ZNF679: variants seen among roughly 807,000 people sequenced by gnomAD.
ZNF679 encodes zinc finger protein 679.
ZNF679 carries 10 observed loss-of-function variants against 13.4 expected under a neutral mutation model. The ratio of observed to expected loss-of-function variants is 0.75; its 90% CI spans 0.46 to 1.27. ZNF679 has a LOEUF of 1.27. Ranked by LOEUF, ZNF679 falls within the 50% of genes most tolerant of loss-of-function variation. The probability of loss-of-function intolerance (pLI) is 0.00; values close to 1 mark genes in which losing one functional copy is unlikely to be tolerated. For synonymous variants in ZNF679, 179 were observed against 162.5 expected (o/e 1.10, Z -0.77); for missense variants, 525 against 477.8 (o/e 1.10, Z -0.92).
chr7:64,259,066 C>T (rs569472843), intron 2 of ZNF679, among the ~76,000 whole-genome samples: 2 of 152,064 alleles, frequency 1.3e-5, no homozygotes, highest in Admixed American at 6.5e-5. Context: ...TGCCTGCCAC[C>T]ACGCCCAGCT....
intron 2 of ZNF679, among the ~76,000 whole-genome samples, chr7:64,253,240 A>T (rs987625082): frequency 1.3e-5 from 2 of 152,154 alleles, no homozygotes; most frequent in African/African-American, 4.8e-5. Context: ...TGTTTCAGTA[A>T]TTTTTCTGAA....
At chr7:64,255,900 C>T (rs1478244630) in intron 2 of ZNF679, among the ~76,000 whole-genome samples, 4 of 152,118 alleles carry the variant, frequency 2.6e-5, no homozygotes, top group Non-Finnish European at 4.4e-5. Flanking sequence ...TGAGCCACCG[C>T]GCCTGGCAGA....
At position 64,266,568 on chromosome 7, in the gene ZNF679, C is replaced by A. The variant is rs1172002820; in HGVS notation, c.935C>A (p.Thr312Asn). 6.2e-7 allele frequency: 1 copy of A among 1,611,640 alleles called. No individual in the cohort carries two copies. ...GCCTTTAGCTTATCCTCATCCCTCA[C>A]TTACCACAAGAGAATTCATACTGGA... Reference protein sequence around the residue: ...GKAFSLSSSLTYHKRIHTGEK... With the variant: ...GKAFSLSSSLNYHKRIHTGEK... The change falls in exon 5 of 5, where the codon ACT becomes AAT. Residue 312 changes from threonine to asparagine, a missense_variant. Transcript: ENST00000421025.
rs557101302 is a variant in ZNF679 at position 64,236,061 on chromosome 7, T to TC, written c.-91+7410dup. ...GTGGGTGGATCATGAGGTCAGGAGTTCAAGACCAGCCTGACCAACATGGTG... is the reference window on the plus strand; with the variant it reads ...GTGGGTGGATCATGAGGTCAGGAGTTCCAAGACCAGCCTGACCAACATGGTG... On this transcript the variant is annotated intron_variant, in intron 1 of 4. Transcript: ENST00000421025. Among the ~76,000 whole-genome samples, 75 of 152,006 alleles carry TC rather than the reference T, an allele frequency of 4.9e-4. 1 individual carries two copies. Among genetic ancestry groups the TC allele is most frequent in the African/African-American group, 1.7e-3 (72 of 41,480 alleles).
At chr7:64,262,026 T>A (rs1244250660) in intron 4 of ZNF679, among the ~76,000 whole-genome samples, 1 of 152,072 alleles carries the variant, frequency 6.6e-6, no homozygotes, top group Non-Finnish European at 1.5e-5. Context: ...CTGGCTAATT[T>A]TGTATTTTTA....
chr7:64,237,863 A>G (rs1402323098), intron 1 of ZNF679, among the ~76,000 whole-genome samples: 1 of 152,196 alleles, frequency 6.6e-6, no homozygotes, highest in Non-Finnish European at 1.5e-5. Flanking sequence ...TATAAATAAT[A>G]TAATTCAGAA....
At chr7:64,236,753 G>T (rs1175380841) in intron 1 of ZNF679, among the ~76,000 whole-genome samples, 1 of 150,154 alleles carries the variant, frequency 6.7e-6, no homozygotes, top group African/African-American at 2.5e-5. Flanking sequence ...TTGCACTCCA[G>T]CCTGGGCGAC....
intron 2 of ZNF679, among the ~76,000 whole-genome samples, chr7:64,255,011 A>G (rs894587856): frequency 6.7e-6 from 1 of 150,344 alleles, no homozygotes; most frequent in African/African-American, 2.4e-5. Context: ...AAAAAAAAAA[A>G]AAAAAAGAAA....
Position 64,241,977 on chromosome 7 carries a change from C to T in ZNF679, c.-90-7051C>T, listed in dbSNP as rs540163027. Among the ~76,000 whole-genome samples, 6 of 152,312 alleles carry T rather than the reference C, an allele frequency of 3.9e-5. No individual in the cohort carries two copies. The South Asian group carries it at 1.2e-3, about 32-fold the overall frequency. ...AAACCCCACAAATGTGCTGGCTTCACTTATGACAGTCAACATATCTTGGGA... is the reference window on the plus strand; with the variant it reads ...AAACCCCACAAATGTGCTGGCTTCATTTATGACAGTCAACATATCTTGGGA... On this transcript the variant is annotated intron_variant, in intron 1 of 4. Coordinates refer to ENST00000421025, the MANE Select transcript of ZNF679 (RefSeq NM_153363.3).
chr7:64,251,254 C>A (rs2116532235), intron 2 of ZNF679, among the ~76,000 whole-genome samples: 1 of 152,124 alleles, frequency 6.6e-6, no homozygotes, highest in Non-Finnish European at 1.5e-5. Flanking sequence ...GAGTTAGAAA[C>A]CAGCCTGGCC....
At chr7:64,265,193 C>T (rs995456801) in intron 4 of ZNF679, among the ~76,000 whole-genome samples, 2 of 152,070 alleles carry the variant, frequency 1.3e-5, no homozygotes, top group Admixed American at 6.6e-5. Flanking sequence ...CTACCTTTCA[C>T]GATCTTTATA....
intron 1 of ZNF679, among the ~76,000 whole-genome samples, chr7:64,236,564 C>A (rs1365785372): frequency 6.6e-6 from 1 of 152,012 alleles, no homozygotes; most frequent in Non-Finnish European, 1.5e-5. Context: ...GTGGGTGGAT[C>A]ACCTAAGGTC....
chr7:64,236,157 C>T (rs1035710751), intron 1 of ZNF679, among the ~76,000 whole-genome samples: 1 of 151,922 alleles, frequency 6.6e-6, no homozygotes, highest in Middle Eastern at 3.4e-3. Flanking sequence ...CCCAGCTACT[C>T]AGGAGGCTGA....
Position 64,266,544 on chromosome 7 carries a change from C to A in ZNF679, c.911C>A (p.Ala304Asp), listed in dbSNP as rs755312136. ...TACACATGTGAAGAATGTGGCAAAG[C>A]CTTTAGCTTATCCTCATCCCTCACT... ...KPYTCEECGKAFSLSSSLTYH... is the reference protein window; with the variant it reads ...KPYTCEECGKDFSLSSSLTYH... Residue 304 changes from alanine (A) to aspartate (D), a missense_variant, in exon 5 of 5, where the codon GCC becomes GAC. Ala to Asp is a moderately radical substitution (Grantham distance 126, BLOSUM62 -2). Transcript: ENST00000421025. 4 of 1,612,392 alleles carry A rather than the reference C, an allele frequency of 2.5e-6. No homozygotes were observed. Among genetic ancestry groups the A allele is most frequent in the Non-Finnish European group, 3.4e-6 (4 of 1,178,754 alleles).
At chr7:64,238,461 C>A (rs1382333072) in intron 1 of ZNF679, among the ~76,000 whole-genome samples, 2 of 152,138 alleles carry the variant, frequency 1.3e-5, no homozygotes, top group Non-Finnish European at 2.9e-5. Context: ...GATCTCAGCT[C>A]ACTGCACCCT....
intron 3 of ZNF679, among the ~76,000 whole-genome samples, chr7:64,260,555 C>G (rs192552069): frequency 6.7e-4 from 102 of 152,238 alleles, no homozygotes; most frequent in African/African-American, 2.4e-3. Context: ...ATCTTTCACT[C>G]TAGGTTAGTG....
At position 64,266,930 on chromosome 7, in the gene ZNF679, C is replaced by G. The variant is rs866821872; in HGVS notation, c.*61C>G. 6.9e-7 allele frequency: 1 copy of G among 1,439,630 alleles called. No individual in the cohort carries two copies. Among genetic ancestry groups the G allele is most frequent in the African/African-American group, 1.4e-5 (1 of 69,738 alleles). The allele number at this position is 1,439,630 out of a possible 1,614,324, so 89.2% of individuals were successfully genotyped here. On this transcript the variant is annotated 3_prime_UTR_variant, in exon 5 of 5. Transcript: ENST00000421025. The stretch of plus-strand genomic sequence containing the variant: ...TAAAATAATTTATACTTGAAAAAAT[C>G]ACTACAAGTGTAAAGAATGTGGCCA...
intron 1 of ZNF679, among the ~76,000 whole-genome samples, chr7:64,247,831 G>A (rs913297025): frequency 1.3e-5 from 2 of 151,532 alleles, no homozygotes; most frequent in South Asian, 2.1e-4. Context: ...GATTACAACC[G>A]TGAGCCTCTG....
intron 1 of ZNF679, among the ~76,000 whole-genome samples, chr7:64,244,069 G>C (rs1787835237): frequency 6.6e-6 from 1 of 152,058 alleles, no homozygotes; most frequent in African/African-American, 2.4e-5. Context: ...GACCAATATG[G>C]TGAAACTTGG....
Sources: gnomAD v4.1 joint callset for allele counts (sites outside exome capture counted in the v4.1 genomes callset) on GRCh38, gnomAD v4.1.1 for gene constraint, MANE v1.5 for transcripts, NCBI Gene and HGNC (gene_info 2026-07-23, HGNC 2026-07-21) for gene names.